FRAS1: variants seen among roughly 807,000 people sequenced by gnomAD.
The protein encoded by FRAS1 is Fraser extracellular matrix complex subunit 1, also known as extracellular matrix organizing protein FRAS1.
FRAS1 carries 290 observed loss-of-function variants against 435.2 expected under a neutral mutation model. The observed-to-expected ratio is 0.67, with a 90% CI of 0.61 to 0.73. The LOEUF (loss-of-function observed/expected upper bound fraction) is 0.73. Among genes scored for constraint, FRAS1 ranks in the 30% least tolerant of loss-of-function variants. The pLI, the probability that FRAS1 is intolerant of heterozygous loss-of-function variation, is 0.00. For missense variants in FRAS1, 4,860 were observed against 5,001.5 expected (o/e 0.97, Z 0.85); for synonymous variants, 1,800 against 1,851.0 (o/e 0.97, Z 0.71).
At position 78,091,978 on chromosome 4, in the gene FRAS1, CAAAA is replaced by C. The variant is rs34804542; in HGVS notation, c.108+25980_108+25983del. Among the ~76,000 whole-genome samples the C allele has an allele frequency of 5.4e-3, 451 of 83,696 alleles. 1 individual carries two copies. The highest frequency in any genetic ancestry group is 7.8e-3 in the Non-Finnish European group (372 of 47,776). 54.9% of individuals were successfully genotyped at this position (83,696 alleles called of 152,430 possible). On this transcript the variant is annotated intron_variant, in intron 2 of 73. Coordinates refer to ENST00000512123, the MANE Select transcript of FRAS1 (RefSeq NM_025074.7). ...CCTGGGAAACATAGTGAGACTGTCT[CAAAA>C]AAAAAAAAAAAAAAAAAGGAAAAAA...
Position 78,337,665 on chromosome 4 carries a change from C to G in FRAS1, c.2279-9C>G. Reference sequence around the variant, plus strand: ...CTAATTCCAATCCTGGTTTTCGTCCCCCTGCCAGAGTGTCACCCAACCTGC... The same window carrying G: ...CTAATTCCAATCCTGGTTTTCGTCCGCCTGCCAGAGTGTCACCCAACCTGC... On this transcript the variant is annotated splice_polypyrimidine_tract_variant and intron_variant, in intron 19 of 73. Transcript: ENST00000512123. 6.2e-7 allele frequency: 1 copy of G among 1,609,388 alleles called. No homozygotes were observed. The highest frequency in any genetic ancestry group is 8.5e-7 in the Non-Finnish European group (1 of 1,176,232).
intron 41 of FRAS1, among the ~76,000 whole-genome samples, chr4:78,443,659 T>C (rs1320244268): frequency 6.6e-6 from 1 of 152,222 alleles, no homozygotes; most frequent in Non-Finnish European, 1.5e-5. Context: ...ATATGTTCTG[T>C]TTAAGAAAGC....
intron 15 of FRAS1, among the ~76,000 whole-genome samples, chr4:78,310,286 TC>T (rs1330623966): frequency 6.6e-6 from 1 of 152,194 alleles, no homozygotes; most frequent in Non-Finnish European, 1.5e-5. Context: ...ACCCTTTAAG[TC>T]CCCTGGGATG....
Position 78,384,778 on chromosome 4 carries a change from A to G in FRAS1, c.3648+635A>G, listed in dbSNP as rs532874840. Among the ~76,000 whole-genome samples the G allele has an allele frequency of 5.9e-5, 9 of 151,830 alleles. No individual in the cohort carries two copies. The East Asian group carries it at 1.4e-3, about 23-fold the overall frequency. On this transcript the variant is annotated intron_variant, in intron 28 of 73. Transcript: ENST00000512123. ...AAAAATTATCTGGGCCCAGTGATGC[A>G]TTCCTATAGTCCCAGCTACTTGGGG...
intron 3 of FRAS1, among the ~76,000 whole-genome samples, chr4:78,244,302 T>C (rs1215981694): frequency 6.6e-6 from 1 of 152,134 alleles, no homozygotes; most frequent in Non-Finnish European, 1.5e-5. Flanking sequence ...CTTTTTATTC[T>C]ACTGGTTGAA....
intron 6 of FRAS1, 107 bp from the exon 7 acceptor site, chr4:78,264,918 T>C (rs762962006): frequency 1.1e-5 from 8 of 722,850 alleles, no homozygotes; most frequent in Admixed American, 6.0e-5. Context: ...AGTGCTGTTA[T>C]AGATGCTTGG....
intron 33 of FRAS1, among the ~76,000 whole-genome samples, chr4:78,420,578 A>G (rs1261020348): frequency 6.6e-6 from 1 of 152,208 alleles, no homozygotes; most frequent in East Asian, 1.9e-4. Context: ...TTACAAATTC[A>G]GTTCTTAGAA....
In FRAS1 at chr4:78,429,127, G is replaced by C. The variant is rs1283228332; in HGVS notation, c.4744G>C (p.Val1582Leu). Reference protein sequence around the residue: ...SDGEHTSPEMVLTIHLLPSDQ... With the variant: ...SDGEHTSPEMLLTIHLLPSDQ... ...TGGAGAACACACAAGTCCGGAGATGGTCCTCACCATTCACTTACTTCCCAG... is the reference window on the plus strand; with the variant it reads ...TGGAGAACACACAAGTCCGGAGATGCTCCTCACCATTCACTTACTTCCCAG... Residue 1582 changes from valine (V) to leucine (L), a missense_variant, in exon 36 of 74, where the codon GTC becomes CTC. By Grantham distance (32) the Val-to-Leu change is conservative. Coordinates refer to ENST00000512123, the MANE Select transcript of FRAS1 (RefSeq NM_025074.7). 1 of 1,568,178 alleles carries C rather than the reference G, an allele frequency of 6.4e-7. No homozygotes were observed. Among genetic ancestry groups the C allele is most frequent in the Non-Finnish European group, 8.6e-7 (1 of 1,156,346 alleles).
intron 29 of FRAS1, among the ~76,000 whole-genome samples, chr4:78,395,708 A>G (rs1279509172): frequency 6.6e-6 from 1 of 152,022 alleles, no homozygotes; most frequent in Non-Finnish European, 1.5e-5. Context: ...TGCATGGTAT[A>G]TATTTTTCCA....
intron 2 of FRAS1, among the ~76,000 whole-genome samples, chr4:78,076,252 G>A (rs901364872): frequency 6.6e-6 from 1 of 152,018 alleles, no homozygotes; most frequent in Non-Finnish European, 1.5e-5. Context: ...TTCATTATTA[G>A]TTCAGCAAAA....
At chr4:78,291,632 C>T (rs1727902779) in intron 14 of FRAS1, among the ~76,000 whole-genome samples, 1 of 152,166 alleles carries the variant, frequency 6.6e-6, no homozygotes. Context: ...TATTTCATTT[C>T]CCCTTTCATT....
rs979574902 is a variant in FRAS1 at position 78,073,850 on chromosome 4, A to T, written c.108+7834A>T. Reference sequence around the variant, plus strand: ...GTGGATGACATTTTGTTTCTGTGACACTTAAACATAAAATTGGCACAAAAT... The same window carrying T: ...GTGGATGACATTTTGTTTCTGTGACTCTTAAACATAAAATTGGCACAAAAT... On this transcript the variant is annotated intron_variant, in intron 2 of 73. Transcript: ENST00000512123. Among the ~76,000 whole-genome samples the T allele has an allele frequency of 1.7e-4, 26 of 152,326 alleles. 1 individual carries two copies. Among genetic ancestry groups the T allele is most frequent in the Admixed American group, 1.1e-3 (17 of 15,300 alleles).
At chr4:78,180,928 C>T (rs952690505) in intron 2 of FRAS1, 8 of 1,607,956 alleles carry the variant, frequency 5.0e-6, no homozygotes, top group African/African-American at 1.3e-5. Context: ...CTTGACTTGT[C>T]GGTCCTGCTG....
chr4:78,256,961 G>C (rs1725825116), intron 6 of FRAS1, among the ~76,000 whole-genome samples: 1 of 151,986 alleles, frequency 6.6e-6, no homozygotes, highest in Admixed American at 6.6e-5. Flanking sequence ...GATCCAAAGG[G>C]GTGCTATCAA....
At chr4:78,145,771 C>T (rs1232128563) in intron 2 of FRAS1, among the ~76,000 whole-genome samples, 1 of 152,110 alleles carries the variant, frequency 6.6e-6, no homozygotes, top group Non-Finnish European at 1.5e-5. Flanking sequence ...GAATTGTAAT[C>T]TTTATAATTC....
At chr4:78,105,931 C>T (rs1191320146) in intron 2 of FRAS1, among the ~76,000 whole-genome samples, 2 of 135,774 alleles carry the variant, frequency 1.5e-5, no homozygotes, top group South Asian at 2.2e-4. Flanking sequence ...CATTGCCCCA[C>T]TTGGGAAGCG....
rs72866329 is a variant in FRAS1 at position 78,320,473 on chromosome 4, A to T, written c.2137+1487A>T. On this transcript the variant is annotated intron_variant, in intron 18 of 73. Transcript: ENST00000512123. ...AAAAAGCATTTTTCTCCTCTGTTTA[A>T]TTGCTTCTCCATTCTCTTCCGTGGG... is the stretch of plus-strand genomic sequence containing the variant. Among the ~76,000 whole-genome samples, 3 of 152,006 alleles carry T rather than the reference A, an allele frequency of 2.0e-5. No homozygotes were observed. In the East Asian group the frequency reaches 5.8e-4, roughly 29 times the overall value.
At chr4:78,449,803 A>T (rs978661415) in intron 44 of FRAS1, among the ~76,000 whole-genome samples, 1 of 152,242 alleles carries the variant, frequency 6.6e-6, no homozygotes, top group African/African-American at 2.4e-5. Flanking sequence ...AGCAGGTTTC[A>T]TCATAGATCT....
At chr4:78,534,111 G>A (rs540110693) in intron 70 of FRAS1, among the ~76,000 whole-genome samples, 2 of 152,134 alleles carry the variant, frequency 1.3e-5, no homozygotes, top group Admixed American at 6.5e-5. Flanking sequence ...ATGCAGCTCT[G>A]GGAAGAAATC....
Sources: gnomAD v4.1 joint callset for allele counts (sites outside exome capture counted in the v4.1 genomes callset) on GRCh38, gnomAD v4.1.1 for gene constraint, MANE v1.5 for transcripts, NCBI Gene and HGNC (gene_info 2026-07-23, HGNC 2026-07-21) for gene names.